SHANK2: variants seen among roughly 807,000 people sequenced by gnomAD.
The protein encoded by SHANK2 is SH3 and multiple ankyrin repeat domains protein 2.
In SHANK2, 43 loss-of-function variants were observed where a neutral mutation model predicts 133.7. The observed-to-expected ratio is 0.32, with a 90% confidence interval of 0.25 to 0.41. The LOEUF (loss-of-function observed/expected upper bound fraction) is 0.41. Among genes scored for constraint, SHANK2 ranks in the 10% least tolerant of loss-of-function variants. SHANK2 has a pLI of 1.00. For synonymous variants in SHANK2, 1,017 were observed against 952.8 expected (o/e 1.07, Z -1.24); for missense variants, 1,994 against 2,235.8 (o/e 0.89, Z 2.18).
At chr11:70,542,701 A>T (rs1189190187) in intron 17 of SHANK2, among the ~76,000 whole-genome samples, 2 of 152,212 alleles carry the variant, frequency 1.3e-5, no homozygotes, top group Non-Finnish European at 1.5e-5. Flanking sequence ...CTCAGAAGTC[A>T]TGTGGGCCTG....
chr11:70,738,833 C>T (rs569281461), intron 14 of SHANK2, among the ~76,000 whole-genome samples: 25 of 152,332 alleles, frequency 1.6e-4, no homozygotes, highest in Admixed American at 1.0e-3. Context: ...AACCACCTCA[C>T]GGCCTCCAGC....
At chr11:70,912,313 G>C (rs1462122077) in intron 10 of SHANK2, among the ~76,000 whole-genome samples, 2 of 151,994 alleles carry the variant, frequency 1.3e-5, no homozygotes, top group East Asian at 3.9e-4. Flanking sequence ...GGACTAGTTG[G>C]GTGTTGATAT....
chr11:70,651,492 T>G (rs1210119332), intron 17 of SHANK2, among the ~76,000 whole-genome samples: 3 of 152,176 alleles, frequency 2.0e-5, no homozygotes, highest in Admixed American at 2.0e-4. Context: ...AGCAGTGGCC[T>G]CTGTCTGGGA....
intron 10 of SHANK2, among the ~76,000 whole-genome samples, chr11:70,918,198 A>G (rs1298803694): frequency 1.3e-5 from 2 of 152,140 alleles, no homozygotes; most frequent in Admixed American, 1.3e-4. Context: ...TCATCTCCCA[A>G]AGGCAGAACG....
intron 14 of SHANK2, among the ~76,000 whole-genome samples, chr11:70,727,278 G>A (rs1367958894): frequency 6.6e-6 from 1 of 152,222 alleles, no homozygotes; most frequent in African/African-American, 2.4e-5. Flanking sequence ...TAGCCGGGGT[G>A]GAAGTATTAC....
intron 2 of SHANK2, among the ~76,000 whole-genome samples, chr11:71,210,254 T>TA (rs1565516818): frequency 1.3e-3 from 76 of 59,876 alleles, no homozygotes; most frequent in East Asian, 3.6e-3. Flanking sequence ...ATATATATAT[T>TA]TATTTATTTT....
Position 71,092,431 on chromosome 11 carries a change from C to G in SHANK2, c.903G>C (p.Glu301Asp). 1 of 1,551,340 alleles carries G rather than the reference C, an allele frequency of 6.4e-7. No individual in the cohort carries two copies. Among genetic ancestry groups the G allele is most frequent in the Non-Finnish European group, 8.7e-7 (1 of 1,146,876 alleles). The change falls in exon 8 of 26, where the codon GAG (glutamate) becomes GAC (aspartate). Residue 301 changes from glutamate (E) to aspartate (D), a missense_variant. Around this residue, in one of 5 missense-constraint regions of SHANK2, gnomAD observed 653 missense variants for 563.4 expected, o/e 1.16. Transcript: ENST00000601538. Reference sequence around the variant, plus strand: ...AAGCGGGCCCACGTACCTGGTGGATCTCGTGCCAGCCGTTCTCATCTTTGC... The same window carrying G: ...AAGCGGGCCCACGTACCTGGTGGATGTCGTGCCAGCCGTTCTCATCTTTGC... ...VCCKDENGWH[E>D]IHQACRYGHV...
At chr11:70,802,128 G>A (rs779036268) in intron 13 of SHANK2, among the ~76,000 whole-genome samples, 1 of 152,140 alleles carries the variant, frequency 6.6e-6, no homozygotes, top group Non-Finnish European at 1.5e-5. Context: ...CATACGGCAC[G>A]GCTGGGGGCC....
At position 70,473,368 on chromosome 11, in the gene SHANK2, G is replaced by T. The variant is rs1555149273; in HGVS notation, c.5051C>A (p.Thr1684Asn). ...GCTCTGCAGGGTGATGGGCTGGGAG[G>T]TGCCGGGGCGAACAGTGAAGGTGAC... ...TTVTFTVRPG[T>N]SQPITLQSRP... The change falls in exon 26 of 26, where the codon ACC becomes AAC. Residue 1684 changes from threonine to asparagine, a missense_variant. This residue lies in a region of SHANK2 where 797 missense variants were observed against 907.4 expected (regional missense o/e 0.88). Transcript: ENST00000601538. This position sits in a 1 kb window ranked among gnomAD's most constrained non-coding sequence, Gnocchi z 5.9. 6.2e-7 allele frequency: 1 copy of T among 1,612,352 alleles called. No individual in the cohort carries two copies.
intron 8 of SHANK2, among the ~76,000 whole-genome samples, chr11:71,087,617 T>C (rs994613643): frequency 1.1e-4 from 17 of 152,082 alleles, no homozygotes; most frequent in Non-Finnish European, 2.4e-4. Flanking sequence ...CCCATACGCA[T>C]TTAGCTGGTT....
chr11:71,181,428 AG>A (rs1953554262), intron 2 of SHANK2, among the ~76,000 whole-genome samples: 1 of 152,152 alleles, frequency 6.6e-6, no homozygotes, highest in African/African-American at 2.4e-5. Context: ...GCCGGAGCCC[AG>A]GAGTTCAGGG....
rs1471506721 is a variant in SHANK2 at position 70,877,680 on chromosome 11, C to A, written c.1174+18821G>T. The stretch of plus-strand genomic sequence containing the variant: ...GTGATTGGTTCAAGGATGGTTGATA[C>A]CCAAAGCCATGTCATTGGCTGGACT... On this transcript the variant is annotated intron_variant, in intron 11 of 25. Transcript: ENST00000601538. Among the ~76,000 whole-genome samples the A allele has an allele frequency of 2.0e-5, 3 of 152,120 alleles. No individual in the cohort carries two copies. In the East Asian group the frequency reaches 5.8e-4, roughly 29 times the overall value.
intron 17 of SHANK2, among the ~76,000 whole-genome samples, chr11:70,528,192 C>T (rs1319932533): frequency 2.0e-5 from 3 of 152,194 alleles, no homozygotes; most frequent in Non-Finnish European, 2.9e-5. Context: ...GCCGAGAGGC[C>T]GAGACCCCGT....
chr11:70,934,919 C>T (rs187825930), intron 10 of SHANK2, among the ~76,000 whole-genome samples: 68 of 152,180 alleles, frequency 4.5e-4, no homozygotes, highest in African/African-American at 1.5e-3. Flanking sequence ...CAAACCAAAG[C>T]GACGCAGCAG....
intron 14 of SHANK2, among the ~76,000 whole-genome samples, chr11:70,742,600 T>C (rs1591804942): frequency 6.6e-6 from 1 of 152,180 alleles, no homozygotes; most frequent in African/African-American, 2.4e-5. Flanking sequence ...CACCCGGCTC[T>C]GCCATCCCAT....
rs182703874 is a variant in SHANK2 at position 70,672,341 on chromosome 11, G to T, written c.1854-10663C>A. Among the ~76,000 whole-genome samples, 1,173 of 152,298 alleles carry T rather than the reference G, an allele frequency of 7.7e-3. 10 individuals are homozygous for T. The highest frequency in any genetic ancestry group is 0.011 in the Non-Finnish European group (766 of 68,020). Reference sequence around the variant, plus strand: ...GGCCTTCCAAAGTGCTGGGATTACAGGCGTGAGCCACCGCACCCAGCCTCC... The same window carrying T: ...GGCCTTCCAAAGTGCTGGGATTACATGCGTGAGCCACCGCACCCAGCCTCC... On this transcript the variant is annotated intron_variant, in intron 15 of 25. Transcript: ENST00000601538.
chr11:70,547,828 A>AG (rs1253432402), intron 17 of SHANK2, among the ~76,000 whole-genome samples: 1 of 152,238 alleles, frequency 6.6e-6, no homozygotes. Flanking sequence ...ATAACCATTT[A>AG]GACACAATCG....
At chr11:71,197,462 G>A (rs1555116373) in intron 2 of SHANK2, among the ~76,000 whole-genome samples, 1 of 152,214 alleles carries the variant, frequency 6.6e-6, no homozygotes. Context: ...TCTAGGGTTA[G>A]GCCTCCCTGG....
intron 21 of SHANK2, among the ~76,000 whole-genome samples, chr11:70,499,642 C>T (rs2059021860): frequency 6.6e-6 from 1 of 152,224 alleles, no homozygotes; most frequent in South Asian, 2.1e-4. Context: ...AATTGCACGA[C>T]ATAGAAAGAA....
Sources: allele counts gnomAD v4.1 joint callset (sites outside exome capture counted in the v4.1 genomes callset), GRCh38; gene constraint gnomAD v4.1.1; regional missense constraint gnomAD v4.1.1; non-coding constraint Gnocchi (gnomAD v3.1); transcripts MANE v1.5; gene names NCBI Gene and HGNC (gene_info 2026-07-23, HGNC 2026-07-21).